Variants in ZNF248 observed in about 807,000 individuals in gnomAD.
ZNF248 encodes KRAB protein domain.
In ZNF248, 20 loss-of-function variants were observed where a neutral mutation model predicts 44.3. That is an observed-to-expected ratio of 0.45 (90% CI 0.32 to 0.66). The LOEUF is 0.66. ZNF248 is among the 30% of genes least tolerant of loss of function. The pLI is 0.04. For synonymous variants in ZNF248, 224 were observed against 229.0 expected (o/e 0.98, Z 0.20); for missense variants, 654 against 677.0 (o/e 0.97, Z 0.38).
upstream of ZNF248, chr10:37,857,664 C>T (rs2061542058): frequency 6.6e-6 from 1 of 152,328 alleles, no homozygotes; most frequent in Non-Finnish European, 1.5e-5. Context: ...ACATCAAACG[C>T]CATGCGCACG....
intron 6 of ZNF248, chr10:37,819,265 T>A: frequency 1.1e-6 from 1 of 899,960 alleles, no homozygotes; most frequent in South Asian, 1.3e-5. Flanking sequence ...GATAGAAGTT[T>A]AGATCATTTC....
the ZNF248 span, among the ~76,000 whole-genome samples, chr10:37,768,945 C>T: frequency 6.6e-6 from 1 of 152,118 alleles, no homozygotes. Flanking sequence ...GGGATATCAC[C>T]ACTGATCCCA....
At chr10:37,773,961 T>C (rs550001713), downstream of ZNF248, among the ~76,000 whole-genome samples, 1 of 151,332 alleles carries the variant, frequency 6.6e-6, no homozygotes, top group South Asian at 2.1e-4. Context: ...GCCCCTATAA[T>C]CACATAAACC....
chr10:37,809,185 T>C (rs560397425), intron 6 of ZNF248, among the ~76,000 whole-genome samples: 2 of 152,342 alleles, frequency 1.3e-5, no homozygotes, highest in Middle Eastern at 3.4e-3. Context: ...CTTGGTTTAG[T>C]TGATTTTCTC....
chr10:37,766,145 G>GCTCTGT, the ZNF248 span, among the ~76,000 whole-genome samples: 6 of 152,214 alleles, frequency 3.9e-5, no homozygotes, highest in African/African-American at 1.2e-4. Flanking sequence ...ACAGCTCAAG[G>GCTCTGT]AGGCCTGCCT....
chr10:37,855,855 G>A (rs557358018), intron 3 of ZNF248, among the ~76,000 whole-genome samples: 1 of 152,306 alleles, frequency 6.6e-6, no homozygotes, highest in East Asian at 1.9e-4. Context: ...AGAACGAGCT[G>A]ACACAAACAG....
chr10:37,792,082 G>A (rs951324370), intron 6 of ZNF248: 1 of 152,204 alleles, frequency 6.6e-6, no homozygotes, highest in African/African-American at 2.4e-5. Context: ...AAGGTACAAA[G>A]TCTCATGCCT....
chr10:37,767,733 C>A, the ZNF248 span, among the ~76,000 whole-genome samples: 1 of 152,142 alleles, frequency 6.6e-6, no homozygotes, highest in Non-Finnish European at 1.5e-5. Context: ...AGCAAAATAA[C>A]CAGCTAACAT....
At position 37,832,227 on chromosome 10, in the gene ZNF248, T is replaced by A. The variant is rs775028313; in HGVS notation, c.1128A>T (p.Gly376=). ...ATTCACCACATTCAAAGGTTTTTTC[T>A]CCTGTGTGAGCTCTCCGAAGCTGGG... The part of the protein sequence containing the change: ...HLTQLRRAHT[G]EKTFECGECG... The change falls in exon 6 of 6, where the codon GGA becomes GGT. Residue 376 remains glycine (G), a synonymous_variant. Coordinates refer to ENST00000395867, the MANE Select transcript of ZNF248 (RefSeq NM_021045.3). 1.2e-6 allele frequency: 2 copies of A among 1,614,088 alleles called. No homozygotes were observed. The highest frequency in any genetic ancestry group is 8.5e-7 in the Non-Finnish European group (1 of 1,179,966).
chr10:37,766,236 T>G, the ZNF248 span, among the ~76,000 whole-genome samples: 1 of 152,224 alleles, frequency 6.6e-6, no homozygotes, highest in Non-Finnish European at 1.5e-5. Context: ...TAAATGTCCC[T>G]GTCTGACAGC....
chr10:37,810,154 A>C (rs1234975903), intron 6 of ZNF248, among the ~76,000 whole-genome samples: 1 of 152,178 alleles, frequency 6.6e-6, no homozygotes. Flanking sequence ...CCTTGATTGA[A>C]CTGCAAACAT....
At chr10:37,839,495 A>T (rs976507951) in intron 3 of ZNF248, among the ~76,000 whole-genome samples, 1 of 142,640 alleles carries the variant, frequency 7.0e-6, no homozygotes, top group Non-Finnish European at 1.6e-5. Flanking sequence ...CCTCTTATAC[A>T]TGTATACACA....
intron 6 of ZNF248, among the ~76,000 whole-genome samples, chr10:37,806,972 G>C (rs1227859634): frequency 7.0e-6 from 1 of 141,946 alleles, no homozygotes; most frequent in African/African-American, 2.6e-5. Flanking sequence ...TCAATACCCA[G>C]TTTTCCCAGC....
intron 3 of ZNF248, among the ~76,000 whole-genome samples, chr10:37,851,894 T>A (rs1009541881): frequency 1.3e-5 from 2 of 151,992 alleles, no homozygotes; most frequent in African/African-American, 2.4e-5. Flanking sequence ...GCAGTTTTAT[T>A]TTTCATAGCC....
downstream of ZNF248, among the ~76,000 whole-genome samples, chr10:37,824,197 A>G (rs1280576961): frequency 6.6e-6 from 1 of 152,162 alleles, no homozygotes; most frequent in Admixed American, 6.5e-5. Context: ...AAAGGCAGGA[A>G]AAAGCTGATA....
chr10:37,799,447 TACTC>T (rs1455394555), intron 6 of ZNF248, among the ~76,000 whole-genome samples: 2 of 152,140 alleles, frequency 1.3e-5, no homozygotes, highest in East Asian at 3.9e-4. Flanking sequence ...TAGTCCCAGT[TACTC>T]AGGAGGCTGA....
intron 6 of ZNF248, among the ~76,000 whole-genome samples, chr10:37,816,731 T>C (rs1589392705): frequency 6.6e-6 from 1 of 152,286 alleles, no homozygotes; most frequent in East Asian, 1.9e-4. Flanking sequence ...AGCAGAGTTT[T>C]TGACCTCTTG....
At chr10:37,763,090 G>T in the ZNF248 span, among the ~76,000 whole-genome samples, 4 of 152,174 alleles carry the variant, frequency 2.6e-5, no homozygotes, top group Non-Finnish European at 4.4e-5. Flanking sequence ...GGACCTATTG[G>T]ACTGAACAAA....
chr10:37,823,417 T>G (rs1450656580), intron 6 of ZNF248, among the ~76,000 whole-genome samples: 1 of 150,474 alleles, frequency 6.6e-6, no homozygotes, highest in East Asian at 2.0e-4. Context: ...ACGTATTATG[T>G]CACAACATTC....
Sources: gnomAD v4.1 joint callset for allele counts (sites outside exome capture counted in the v4.1 genomes callset) on GRCh38, gnomAD v4.1.1 for gene constraint, MANE v1.5 for transcripts, NCBI Gene and HGNC (gene_info 2026-07-23, HGNC 2026-07-21) for gene names.